OVCH1: variants seen among roughly 807,000 people sequenced by gnomAD.
The protein encoded by OVCH1 is ovochymase-1.
A neutral mutation model predicts 138.4 loss-of-function variants in OVCH1; 139 were observed. That is an observed-to-expected ratio of 1.00 (90% CI 0.87 to 1.16). The LOEUF (loss-of-function observed/expected upper bound fraction) is 1.16, where lower values mean the gene tolerates loss of function less well. Among genes scored for constraint, OVCH1 ranks in the 50% most tolerant of loss-of-function variants. The probability of loss-of-function intolerance (pLI) is 0.00; values close to 1 mark genes in which losing one functional copy is unlikely to be tolerated. For missense variants in OVCH1, 1,367 were observed against 1,357.9 expected (o/e 1.01, Z -0.11); for synonymous variants, 453 against 467.8 (o/e 0.97, Z 0.41).
At chr12:29,413,730 C>T (rs554589187) in intron 3 of OVCH1, among the ~76,000 whole-genome samples, 7 of 152,006 alleles carry the variant, frequency 4.6e-5, no homozygotes, top group East Asian at 1.9e-4. Context: ...TTGATTTAGA[C>T]GTTTACATAC....
intron 21 of OVCH1, 86 bp downstream of exon 21, chr12:29,454,755 T>C (rs916077158): frequency 4.5e-5 from 54 of 1,202,286 alleles, no homozygotes; most frequent in African/African-American, 4.3e-4. Context: ...TAGTGTTCCA[T>C]AGAAAATTTA....
intron 27 of OVCH1, chr12:29,433,718 C>G: frequency 1.4e-6 from 2 of 1,403,072 alleles, no homozygotes; most frequent in Non-Finnish European, 1.9e-6. Flanking sequence ...AGATTTTTTT[C>G]TATTTTATGT....
chr12:29,484,569 C>A (rs1393696327), intron 8 of OVCH1, among the ~76,000 whole-genome samples, 144 bp downstream of exon 9: 1 of 152,130 alleles, frequency 6.6e-6, no homozygotes, highest in African/African-American at 2.4e-5. Context: ...GTGGGAAGAT[C>A]CCTTGAGCCC....
chr12:29,491,184 CA>C lies in OVCH1; in HGVS notation c.462del (p.Val155PhefsTer57). ...CTGTCAGGAAGACAGATTGGCTGAA[CA>C]GCATTTCCTGAGAAAACAACAAAGG... On this transcript the variant is annotated frameshift_variant, in exon 5 of 28. Coordinates refer to ENST00000318184, the Ensembl canonical transcript of OVCH1. LOFTEE classifies it high-confidence loss of function. 1 of 1,613,352 alleles carries C rather than the reference CA, an allele frequency of 6.2e-7. No homozygotes were observed. Among genetic ancestry groups the C allele is most frequent in the Non-Finnish European group, 8.5e-7 (1 of 1,179,484 alleles).
At chr12:29,477,634 G>GGGAA (rs1942788187) in intron 9 of OVCH1, 156 bp from the exon 11 acceptor site, 1 of 1,590,900 alleles carries the variant, frequency 6.3e-7, no homozygotes, top group Admixed American at 1.7e-5. Context: ...CCCTGCTTCA[G>GGGAA]TGACTTTGCT....
intron 22 of OVCH1, among the ~76,000 whole-genome samples, chr12:29,445,606 T>C (rs954411920): frequency 1.4e-4 from 21 of 152,038 alleles, no homozygotes; most frequent in African/African-American, 5.1e-4. Context: ...TCAACTTGGG[T>C]CCATGTATCC....
the OVCH1 span, among the ~76,000 whole-genome samples, chr12:29,407,025 G>A: frequency 2.0e-5 from 3 of 152,106 alleles, no homozygotes; most frequent in African/African-American, 7.2e-5. Flanking sequence ...GTATCTCGTT[G>A]TGGTTTTGAT....
chr12:29,463,988 T>C (rs1942228388), intron 18 of OVCH1, among the ~76,000 whole-genome samples: 1 of 152,176 alleles, frequency 6.6e-6, no homozygotes, highest in South Asian at 2.1e-4. Context: ...GGTGAGCACA[T>C]GACAGCCAGT....
chr12:29,495,532 GAA>G, intron 3 of OVCH1, 75 bp from the exon 4 acceptor site: 2 of 1,321,256 alleles, frequency 1.5e-6, no homozygotes, highest in Non-Finnish European at 2.1e-6. Context: ...GTAATTAAAT[GAA>G]AAGTGATTAA....
chr12:29,461,976 G>C (rs745326371), exon 19 of OVCH1: 27 of 1,613,656 alleles, frequency 1.7e-5, no homozygotes, highest in Non-Finnish European at 2.1e-5. Context: ...ACATGCACTT[G>C]AATCTGCTGT....
chr12:29,494,862 A>G (rs895275148), intron 4 of OVCH1, among the ~76,000 whole-genome samples: 5 of 152,190 alleles, frequency 3.3e-5, no homozygotes, highest in Admixed American at 1.3e-4. Context: ...GGATACAAAT[A>G]TACACTTAGA....
At chr12:29,475,326 A>C in intron 13 of OVCH1, 137 bp from the exon 14 acceptor site, 219 of 562,168 alleles carry the variant, frequency 3.9e-4, no homozygotes, top group Non-Finnish European at 4.5e-4. Context: ...CTTACATCTC[A>C]TGTGAGAATT....
At chr12:29,443,541 CA>C in intron 24 of OVCH1, 41 bp from the exon 25 acceptor site, 2 of 1,537,964 alleles carry the variant, frequency 1.3e-6, no homozygotes, top group Non-Finnish European at 1.8e-6. Flanking sequence ...TATTTCTAAA[CA>C]GAATATATTG....
At chr12:29,442,049 T>C (rs957647457) in intron 25 of OVCH1, among the ~76,000 whole-genome samples, 1 of 151,242 alleles carries the variant, frequency 6.6e-6, no homozygotes, top group African/African-American at 2.4e-5. Context: ...TCAACCATTG[T>C]GGAAGTCAGT....
chr12:29,430,949 G>A (rs774539399), intron 27 of OVCH1: 3 of 513,854 alleles, frequency 5.8e-6, no homozygotes, highest in Non-Finnish European at 7.8e-6. Flanking sequence ...AGGCAGAAAC[G>A]GTTTGCTAAG....
rs536709990 is a variant in OVCH1 at position 29,471,791 on chromosome 12, G to T, written c.1856+11C>A. The T allele has an allele frequency of 1.2e-6, 2 of 1,601,920 alleles. No homozygotes were observed. The highest frequency in any genetic ancestry group is 1.7e-5 in the Admixed American group (1 of 58,332). On this transcript the variant is annotated intron_variant, in intron 16 of 27. Coordinates refer to ENST00000318184, the Ensembl canonical transcript of OVCH1. ...TGCTAAATAGGTTGGTAAAATACCA[G>T]TTTCACTCACAATTGCACACAGTGG...
At chr12:29,474,072 C>CAT (rs1218884431) in intron 14 of OVCH1, among the ~76,000 whole-genome samples, 4 of 98,338 alleles carry the variant, frequency 4.1e-5, no homozygotes, top group African/African-American at 1.5e-4. Flanking sequence ...CACACACACA[C>CAT]ATACACACAC....
chr12:29,489,628 C>G lies in OVCH1; in HGVS notation c.694G>C (p.Ala232Pro), dbSNP rs150657987. 1.5e-4 allele frequency: 246 copies of G among 1,605,450 alleles called. No individual in the cohort carries two copies. Among genetic ancestry groups the G allele is most frequent in the Non-Finnish European group, 1.7e-4 (200 of 1,175,654 alleles). ...GGTTTACACTTTTGTACCTGGCAGG[C>G]GTCCATTCCCCAATCAGGGAAGCCA... is the stretch of plus-strand genomic sequence containing the variant. Residue 232 changes from alanine (A) to proline (P), a missense_variant, in exon 6 of 28, where the codon GCC (alanine) becomes CCC (proline). Transcript: ENST00000318184.
intron 3 of OVCH1, among the ~76,000 whole-genome samples, chr12:29,413,024 C>CTTTTTTTTTT (rs35540929): frequency 7.1e-6 from 1 of 140,926 alleles, no homozygotes. Flanking sequence ...CCAGCTAATT[C>CTTTTTTTTTT]TTTTTTTTTT....
Sources: gnomAD v4.1 joint callset for allele counts (sites outside exome capture counted in the v4.1 genomes callset) on GRCh38, gnomAD v4.1.1 for gene constraint, MANE v1.5 for transcripts, NCBI Gene and HGNC (gene_info 2026-07-23, HGNC 2026-07-21) for gene names.